Variants in MAGI3 observed in about 807,000 individuals in gnomAD.
The protein encoded by MAGI3 is membrane-associated guanylate kinase, WW and PDZ domain-containing protein 3.
A neutral mutation model predicts 121.8 loss-of-function variants in MAGI3; 43 were observed. The ratio of observed to expected loss-of-function variants is 0.35; its 90% confidence interval spans 0.28 to 0.46. The LOEUF is 0.46. Ranked by LOEUF, MAGI3 falls within the 20% of genes least tolerant of loss-of-function variation. The pLI is 1.00. For synonymous variants in MAGI3, 553 were observed against 639.3 expected (o/e 0.86, Z 2.04); for missense variants, 1,547 against 1,797.3 (o/e 0.86, Z 2.52).
intron 1 of MAGI3, among the ~76,000 whole-genome samples, chr1:113,397,685 T>C (rs192912910): frequency 1.2e-3 from 179 of 152,324 alleles, no homozygotes; most frequent in Admixed American, 1.9e-3. Flanking sequence ...AGTTCCATTA[T>C]GAATAGTCTC....
At chr1:113,543,994 T>G (rs1659412780) in intron 1 of MAGI3, among the ~76,000 whole-genome samples, 1 of 152,172 alleles carries the variant, frequency 6.6e-6, no homozygotes, top group South Asian at 2.1e-4. Flanking sequence ...AGCTGACAAT[T>G]TAGGTTTAAC....
At chr1:113,478,600 C>T (rs1275357711) in intron 1 of MAGI3, among the ~76,000 whole-genome samples, 4 of 152,176 alleles carry the variant, frequency 2.6e-5, no homozygotes, top group Non-Finnish European at 5.9e-5. Flanking sequence ...ATATTGCTGC[C>T]TGATCCTTCC....
chr1:113,550,704 C>T (rs1570844837), intron 2 of MAGI3, among the ~76,000 whole-genome samples: 1 of 148,158 alleles, frequency 6.7e-6, no homozygotes, highest in Non-Finnish European at 1.5e-5. Context: ...TGCAGTGAGC[C>T]GAGATCATGC....
At chr1:113,461,856 A>G (rs1404550784) in intron 1 of MAGI3, among the ~76,000 whole-genome samples, 1 of 151,932 alleles carries the variant, frequency 6.6e-6, no homozygotes, top group Non-Finnish European at 1.5e-5. Context: ...GCATCTATAA[A>G]GAACTTAAGT....
intron 7 of MAGI3, among the ~76,000 whole-genome samples, chr1:113,615,707 A>C (rs1438935669): frequency 6.6e-6 from 1 of 152,164 alleles, no homozygotes; most frequent in Non-Finnish European, 1.5e-5. Flanking sequence ...TTAGATTGAC[A>C]CTTAAGTATA....
At chr1:113,515,446 G>GT (rs968746627) in intron 1 of MAGI3, among the ~76,000 whole-genome samples, 5 of 151,948 alleles carry the variant, frequency 3.3e-5, no homozygotes, top group Admixed American at 6.6e-5. Context: ...AAACGTTAAA[G>GT]TTTTTTTATT....
chr1:113,586,824 G>A (rs2101729591), intron 4 of MAGI3, among the ~76,000 whole-genome samples: 1 of 152,264 alleles, frequency 6.6e-6, no homozygotes, highest in Non-Finnish European at 1.5e-5. Flanking sequence ...CTAATACAGA[G>A]CCTTTAATTG....
chr1:113,646,472 C>T lies in MAGI3; in HGVS notation c.1999-14C>T, dbSNP rs76641537. ...TTTTTAAAAAATACTAAGTAAGGCT[C>T]TTTTCCATTTCAGAAAACAGATAAA... is the stretch of plus-strand genomic sequence containing the variant. On this transcript the variant is annotated splice_polypyrimidine_tract_variant and intron_variant, in intron 11 of 20. Transcript: ENST00000307546. The T allele has an allele frequency of 3.9e-3, 6,151 of 1,580,226 alleles. 212 individuals are homozygous for T. In the African/African-American group the frequency reaches 0.073, roughly 19 times the overall value.
rs761709308 is a variant in MAGI3 at position 113,683,376 on chromosome 1, A to C, written c.3808A>C (p.Thr1270Pro). The change falls in exon 21 of 21, where the codon ACC becomes CCC. Residue 1270 changes from threonine to proline, a missense_variant. Coordinates refer to ENST00000307546, the MANE Select transcript of MAGI3 (RefSeq NM_001142782.2). ...KGENKSCQVS[T>P]RAGSGQDQCR... ...GGAAAATAAAAGTTGTCAGGTCAGC[A>C]CCAGGGCAGGCTCTGGACAAGATCA... 3 of 1,614,034 alleles carry C rather than the reference A, an allele frequency of 1.9e-6. No homozygotes were observed. In the South Asian group the frequency reaches 3.3e-5, roughly 18 times the overall value.
chr1:113,591,908 A>G (rs1480307489), intron 5 of MAGI3, among the ~76,000 whole-genome samples: 1 of 152,160 alleles, frequency 6.6e-6, no homozygotes, highest in Non-Finnish European at 1.5e-5. Flanking sequence ...TTATAAAAAG[A>G]AATATTTTTA....
At chr1:113,449,587 A>ATT in intron 1 of MAGI3, 1 of 624,074 alleles carries the variant, frequency 1.6e-6, no homozygotes, top group South Asian at 1.9e-5. Flanking sequence ...CTGCAAGTGC[A>ATT]TTTTTTTTTC....
chr1:113,634,682 G>T (rs566198428), intron 9 of MAGI3, among the ~76,000 whole-genome samples: 1 of 152,264 alleles, frequency 6.6e-6, no homozygotes, highest in African/African-American at 2.4e-5. Context: ...CTCCAGCTTT[G>T]TTCTTTTGGC....
intron 3 of MAGI3, 85 bp from the exon 4 acceptor site, chr1:113,585,302 A>C (rs552914111): frequency 7.9e-7 from 1 of 1,268,500 alleles, no homozygotes; most frequent in African/African-American, 1.5e-5. Flanking sequence ...TTTGTGAAAA[A>C]CAGGGCAGAG....
At chr1:113,466,009 T>A (rs1655266068) in intron 1 of MAGI3, among the ~76,000 whole-genome samples, 1 of 152,124 alleles carries the variant, frequency 6.6e-6, no homozygotes, top group African/African-American at 2.4e-5. Flanking sequence ...CCTAATTGCT[T>A]TGGCCAAGAC....
intron 1 of MAGI3, among the ~76,000 whole-genome samples, chr1:113,395,676 T>C (rs996356380): frequency 5.3e-5 from 8 of 151,950 alleles, no homozygotes; most frequent in Non-Finnish European, 1.0e-4. Context: ...TATATGTATA[T>C]ACACACACAC....
intron 9 of MAGI3, among the ~76,000 whole-genome samples, chr1:113,632,536 G>A (rs1006748419): frequency 2.7e-4 from 41 of 152,134 alleles, no homozygotes; most frequent in African/African-American, 9.7e-4. Context: ...CAAATTTTAA[G>A]TCAAGACTGT....
chr1:113,450,294 C>G, intron 1 of MAGI3: 1 of 1,571,214 alleles, frequency 6.4e-7, no homozygotes, highest in South Asian at 1.1e-5. Flanking sequence ...GTGGATCTGG[C>G]AATTTTATGG....
intron 1 of MAGI3, among the ~76,000 whole-genome samples, chr1:113,488,499 T>C (rs1656510135): frequency 6.6e-6 from 1 of 152,130 alleles, no homozygotes; most frequent in South Asian, 2.1e-4. Flanking sequence ...TTATAGCTTC[T>C]GTACTGGTAG....
intron 1 of MAGI3, among the ~76,000 whole-genome samples, chr1:113,436,624 T>G (rs1335955790): frequency 6.6e-6 from 1 of 152,180 alleles, no homozygotes; most frequent in Non-Finnish European, 1.5e-5. Context: ...TGTTAATAGT[T>G]CATGGAGGAT....
Sources: allele counts gnomAD v4.1 joint callset (sites outside exome capture counted in the v4.1 genomes callset), GRCh38; gene constraint gnomAD v4.1.1; transcripts MANE v1.5; gene names NCBI Gene and HGNC (gene_info 2026-07-23, HGNC 2026-07-21).